Variants in HS3ST5 observed in about 807,000 individuals in gnomAD.
HS3ST5 encodes heparan sulfate glucosamine 3-O-sulfotransferase 5.
A neutral mutation model predicts 25.4 loss-of-function variants in HS3ST5; 10 were observed. The observed-to-expected ratio is 0.39, with a 90% CI of 0.24 to 0.67. The LOEUF is 0.67. HS3ST5 is among the 30% of genes least tolerant of loss of function. The pLI, the probability that HS3ST5 is intolerant of heterozygous loss-of-function variation, is 0.44. For missense variants in HS3ST5, 324 were observed against 420.7 expected, an observed-to-expected ratio of 0.77 and a Z score of 2.01; for synonymous variants, 170 against 162.4, an observed-to-expected ratio of 1.05 and a Z score of -0.36.
chr6:114,150,267 T>A (rs1641026020), intron 3 of HS3ST5, among the ~76,000 whole-genome samples: 1 of 152,210 alleles, frequency 6.6e-6, no homozygotes, highest in African/African-American at 2.4e-5. Context: ...TTCACACAGA[T>A]CTAGATGTCA....
chr6:114,168,365 G>A lies in HS3ST5; in HGVS notation c.-47C>T, dbSNP rs1779315153. 2 of 152,202 alleles carry A rather than the reference G, an allele frequency of 1.3e-5. No homozygotes were observed. The allele number at this position is 152,202 out of a possible 1,614,324, so 9.4% of individuals were successfully genotyped here. On this transcript the variant is annotated 5_prime_UTR_variant, in exon 3 of 5. Coordinates refer to ENST00000312719, the MANE Select transcript of HS3ST5 (RefSeq NM_153612.4). ...GGCACACATACCTACATTCAGACAG[G>A]TCCCTATTATTCCAGCGATGATTAT...
intron 1 of HS3ST5, among the ~76,000 whole-genome samples, chr6:114,283,535 A>G (rs945121676): frequency 5.9e-5 from 9 of 151,992 alleles, no homozygotes; most frequent in African/African-American, 2.2e-4. Flanking sequence ...CATCATCTTT[A>G]GTTTACATTC....
intron 3 of HS3ST5, among the ~76,000 whole-genome samples, chr6:114,082,301 G>A (rs1164651222): frequency 3.9e-5 from 6 of 152,230 alleles, no homozygotes; most frequent in East Asian, 3.9e-4. Flanking sequence ...TGAGACTAGC[G>A]GTGAGTTGAA....
chr6:114,144,542 A>G (rs1018931658), intron 3 of HS3ST5, among the ~76,000 whole-genome samples: 1 of 151,946 alleles, frequency 6.6e-6, no homozygotes, highest in Non-Finnish European at 1.5e-5. Context: ...TGAGCATTTA[A>G]TCTTGAAACT....
chr6:114,109,679 G>A (rs892234413), intron 3 of HS3ST5, among the ~76,000 whole-genome samples: 1 of 152,208 alleles, frequency 6.6e-6, no homozygotes, highest in African/African-American at 2.4e-5. Context: ...CTGTTCATGA[G>A]AGGTGTAGAT....
intron 2 of HS3ST5, among the ~76,000 whole-genome samples, chr6:114,194,706 C>T (rs1434617278): frequency 6.6e-5 from 10 of 152,286 alleles, no homozygotes; most frequent in Admixed American, 4.6e-4. Context: ...CTGGATCATG[C>T]TAATGCTGCC....
intron 2 of HS3ST5, among the ~76,000 whole-genome samples, chr6:114,207,670 C>T (rs1477972758): frequency 6.6e-6 from 1 of 152,088 alleles, no homozygotes; most frequent in Non-Finnish European, 1.5e-5. Context: ...ACTCCCCTGC[C>T]TCCACCACCC....
intron 3 of HS3ST5, among the ~76,000 whole-genome samples, chr6:114,063,190 A>G (rs752225852): frequency 1.3e-5 from 2 of 152,074 alleles, no homozygotes; most frequent in African/African-American, 4.8e-5. Context: ...GTGTGTGTGT[A>G]TATATAAAAT....
chr6:114,223,676 T>C (rs1007345087), intron 2 of HS3ST5, among the ~76,000 whole-genome samples: 1 of 151,772 alleles, frequency 6.6e-6, no homozygotes, highest in Non-Finnish European at 1.5e-5. Context: ...TACAGCCTTA[T>C]TGGAAGCTTG....
In HS3ST5 at chr6:114,166,387, A is replaced by T. The variant is rs569755897; in HGVS notation, c.-33+1964T>A. Among the ~76,000 whole-genome samples, 44 of 152,340 alleles carry T rather than the reference A, an allele frequency of 2.9e-4. 1 individual carries two copies. In the South Asian group the frequency reaches 8.1e-3, roughly 28 times the overall value. ...GAACTTTGCAAGTGACAAGAACAAG[A>T]CTTAATGATTTTCTAGACAATAAAG... On this transcript the variant is annotated intron_variant, in intron 3 of 4. Transcript: ENST00000312719.
intron 2 of HS3ST5, among the ~76,000 whole-genome samples, chr6:114,187,336 C>G (rs1780272653): frequency 1.3e-5 from 2 of 152,176 alleles, no homozygotes; most frequent in South Asian, 4.1e-4. Flanking sequence ...ATTCATGATA[C>G]ATGGGAGGAG....
chr6:114,323,068 TACAC>T (rs1776031599), intron 1 of HS3ST5, among the ~76,000 whole-genome samples: 2 of 152,118 alleles, frequency 1.3e-5, no homozygotes, highest in Non-Finnish European at 2.9e-5. Context: ...CAACTTGCAA[TACAC>T]ACATAGTGGG....
chr6:114,152,148 T>G (rs1043588619), intron 3 of HS3ST5, among the ~76,000 whole-genome samples: 1 of 152,096 alleles, frequency 6.6e-6, no homozygotes, highest in Non-Finnish European at 1.5e-5. Flanking sequence ...GGTCTCGAAC[T>G]CCTGACCTCG....
At chr6:114,310,974 A>C (rs1775504876) in intron 1 of HS3ST5, among the ~76,000 whole-genome samples, 1 of 152,224 alleles carries the variant, frequency 6.6e-6, no homozygotes, top group African/African-American at 2.4e-5. Context: ...AGCCAATGTC[A>C]TCAAGATTAA....
rs1772798312 is a variant in HS3ST5 at position 114,056,917 on chromosome 6, A to T, written c.*340T>A. ...GCCATTGGTACATTTTCACACATTTATCTTTTGGCTTAAATCTATGAAAAT... is the reference window on the plus strand; with the variant it reads ...GCCATTGGTACATTTTCACACATTTTTCTTTTGGCTTAAATCTATGAAAAT... On this transcript the variant is annotated 3_prime_UTR_variant, in exon 5 of 5. Transcript: ENST00000312719. 1.0e-5 allele frequency: 2 copies of T among 198,774 alleles called. No homozygotes were observed. Among genetic ancestry groups the T allele is most frequent in the African/African-American group, 4.6e-5 (2 of 43,332 alleles). The allele number at this position is 198,774 out of a possible 1,614,324, so 12.3% of individuals were successfully genotyped here. A position where few individuals can be genotyped will look rare whatever the true frequency, so the allele number is the denominator to read the frequency against.
Position 114,058,045 on chromosome 6 carries a change from C to T in HS3ST5, c.253G>A (p.Asp85Asn). 6.2e-7 allele frequency: 1 copy of T among 1,614,176 alleles called. No homozygotes were observed. The highest frequency in any genetic ancestry group is 8.5e-7 in the Non-Finnish European group (1 of 1,180,034). Residue 85 changes from aspartate (D) to asparagine (N), a missense_variant, in exon 5 of 5, where the codon GAC becomes AAC. Around this residue, in one of 2 missense-constraint regions of HS3ST5, gnomAD observed 121 missense variants for 117.3 expected, o/e 1.03. Transcript: ENST00000312719. Reference sequence around the variant, plus strand: ...GCCTTGGGGAGCTGCTGGACCAGGTCATGGAGGCGAACCTGCTCCTTGGAA... The same window carrying T: ...GCCTTGGGGAGCTGCTGGACCAGGTTATGGAGGCGAACCTGCTCCTTGGAA... The part of the protein sequence containing the change: ...NASKEQVRLH[D>N]LVQQLPKAII...
chr6:114,064,479 A>G (rs1773331900), intron 3 of HS3ST5, among the ~76,000 whole-genome samples: 1 of 152,306 alleles, frequency 6.6e-6, no homozygotes, highest in East Asian at 1.9e-4. Context: ...GGCATGGTAA[A>G]ATTTTTTTGT....
rs564558979 is a variant in HS3ST5 at position 114,145,583 on chromosome 6, G to A, written c.-33+22768C>T. Among the ~76,000 whole-genome samples the A allele has an allele frequency of 2.1e-3, 317 of 152,248 alleles. 1 individual carries two copies. Among genetic ancestry groups the A allele is most frequent in the Non-Finnish European group, 2.5e-3 (169 of 68,016 alleles). ...GAGAGTGGCCAGGGTAGTTTACATG[G>A]GCAGAAAATGACAGATGTCAAAACC... On this transcript the variant is annotated intron_variant, in intron 3 of 4. Coordinates refer to ENST00000312719, the MANE Select transcript of HS3ST5 (RefSeq NM_153612.4).
At chr6:114,091,155 A>G (rs1042147359) in intron 3 of HS3ST5, among the ~76,000 whole-genome samples, 3 of 152,192 alleles carry the variant, frequency 2.0e-5, no homozygotes, top group African/African-American at 7.2e-5. Flanking sequence ...CCCAGTGCCT[A>G]ATTAAGATTT....
Sources: gnomAD v4.1 joint callset for allele counts (sites outside exome capture counted in the v4.1 genomes callset) on GRCh38, gnomAD v4.1.1 for gene constraint, gnomAD v4.1.1 regional missense constraint, MANE v1.5 for transcripts, NCBI Gene and HGNC (gene_info 2026-07-23, HGNC 2026-07-21) for gene names.